BAIAP2L1: variants seen among roughly 807,000 people sequenced by gnomAD.
The protein encoded by BAIAP2L1 is BAR/IMD domain-containing adapter protein 2-like 1.
In BAIAP2L1, 35 loss-of-function variants were observed where a neutral mutation model predicts 66.3. That is an observed-to-expected ratio of 0.53 (90% confidence interval 0.40 to 0.70). The LOEUF (loss-of-function observed/expected upper bound fraction) is 0.70, where lower values mean the gene tolerates loss of function less well. Among genes scored for constraint, BAIAP2L1 ranks in the 30% least tolerant of loss-of-function variants. The probability of loss-of-function intolerance (pLI) is 0.00; values close to 1 mark genes in which losing one functional copy is unlikely to be tolerated. For synonymous variants in BAIAP2L1, 269 were observed against 248.7 expected (o/e 1.08, Z -0.77); for missense variants, 622 against 656.9 (o/e 0.95, Z 0.58).
intron 12 of BAIAP2L1, among the ~76,000 whole-genome samples, chr7:98,299,869 C>T (rs1306579812): frequency 5.3e-5 from 8 of 151,868 alleles, no homozygotes; most frequent in African/African-American, 9.7e-5. Flanking sequence ...GGTGAAACCC[C>T]GTATCTACTA....
chr7:98,366,127 T>C (rs552364622), intron 1 of BAIAP2L1, among the ~76,000 whole-genome samples: 1 of 152,108 alleles, frequency 6.6e-6, no homozygotes, highest in Admixed American at 6.5e-5. Context: ...TTTCCTGTCA[T>C]TGGGTGGGGG....
At chr7:98,344,024 C>CA (rs1302686246) in intron 3 of BAIAP2L1, among the ~76,000 whole-genome samples, 9 of 152,088 alleles carry the variant, frequency 5.9e-5, no homozygotes, top group Non-Finnish European at 1.3e-4. Context: ...ACTAAAAATA[C>CA]AAAAAAATCA....
chr7:98,328,806 G>A, intron 3 of BAIAP2L1, among the ~76,000 whole-genome samples: 1 of 152,008 alleles, frequency 6.6e-6, no homozygotes, highest in Non-Finnish European at 1.5e-5. Flanking sequence ...TGATTGTTCA[G>A]CCTGTAGTCA....
chr7:98,297,133 A>G lies in BAIAP2L1; in HGVS notation c.1423-3022T>C, dbSNP rs189647321. Among the ~76,000 whole-genome samples the G allele has an allele frequency of 4.1e-3, 628 of 152,364 alleles. 10 individuals are homozygous for G. The highest frequency in any genetic ancestry group is 9.0e-4 in the Non-Finnish European group (61 of 68,040). On this transcript the variant is annotated intron_variant, in intron 12 of 13. Coordinates refer to ENST00000005260, the MANE Select transcript of BAIAP2L1 (RefSeq NM_018842.5). ...AGTGGTTGGGCTGCAACTGGAGACT[A>G]TAGAGCGAGGCCACCAAGCGGCTGA...
chr7:98,306,410 C>T (rs763694432), intron 11 of BAIAP2L1, 29 bp downstream of exon 11: 18 of 1,612,860 alleles, frequency 1.1e-5, no homozygotes, highest in African/African-American at 4.0e-5. Flanking sequence ...TTTCTGTCAC[C>T]GGGAGAGCTC....
intron 12 of BAIAP2L1, among the ~76,000 whole-genome samples, chr7:98,303,649 T>A (rs1800517103): frequency 6.6e-6 from 1 of 152,170 alleles, no homozygotes; most frequent in Admixed American, 6.5e-5. Context: ...CGGGAATGGA[T>A]GAACTGGTTC....
At chr7:98,323,414 T>C (rs780066298) in intron 3 of BAIAP2L1, 4 of 152,172 alleles carry the variant, frequency 2.6e-5, no homozygotes, top group African/African-American at 7.2e-5. Context: ...CATAAATAAA[T>C]AAACATCTAA....
At chr7:98,342,856 CTTGA>C (rs1355203706) in intron 3 of BAIAP2L1, among the ~76,000 whole-genome samples, 1 of 151,980 alleles carries the variant, frequency 6.6e-6, no homozygotes, top group African/African-American at 2.4e-5. Flanking sequence ...ATAAACCTTG[CTTGA>C]TTTAGGAACA....
At chr7:98,399,879 C>T (rs1803311612) in intron 1 of BAIAP2L1, 1 of 152,136 alleles carries the variant, frequency 6.6e-6, no homozygotes, top group South Asian at 2.1e-4. Context: ...AAGAACCTCA[C>T]CAAATAACCC....
intron 1 of BAIAP2L1, among the ~76,000 whole-genome samples, chr7:98,384,015 G>A (rs1467331680): frequency 2.0e-5 from 3 of 152,054 alleles, no homozygotes; most frequent in South Asian, 4.1e-4. Context: ...TTAGCTGGGC[G>A]TGGTGGCACG....
Position 98,318,243 on chromosome 7 carries a change from C to G in BAIAP2L1, c.349-887G>C, listed in dbSNP as rs143275842. The stretch of plus-strand genomic sequence containing the variant: ...AGGACATCTTCTCTTTCTTTTATTC[C>G]TTCTTTCCTCAAAGGCTTTTTGATG... On this transcript the variant is annotated intron_variant, in intron 5 of 13. Transcript: ENST00000005260. Among the ~76,000 whole-genome samples, 16 of 152,320 alleles carry G rather than the reference C, an allele frequency of 1.1e-4. No homozygotes were observed. The East Asian group carries it at 2.7e-3, about 26-fold the overall frequency.
chr7:98,397,924 A>G (rs1584513035), intron 1 of BAIAP2L1, among the ~76,000 whole-genome samples: 1 of 152,150 alleles, frequency 6.6e-6, no homozygotes, highest in African/African-American at 2.4e-5. Flanking sequence ...TCCCATAATC[A>G]TTTGCCTACG....
chr7:98,394,152 A>G (rs1803142184), intron 1 of BAIAP2L1, among the ~76,000 whole-genome samples: 1 of 152,076 alleles, frequency 6.6e-6, no homozygotes, highest in South Asian at 2.1e-4. Flanking sequence ...CTGAGACAGG[A>G]GAATGGCATG....
At chr7:98,305,400 C>T (rs78292418) in intron 11 of BAIAP2L1, among the ~76,000 whole-genome samples, 26 of 152,138 alleles carry the variant, frequency 1.7e-4, no homozygotes, top group Non-Finnish European at 3.2e-4. Flanking sequence ...AGCACAATGG[C>T]ATTTTAGCTC....
intron 3 of BAIAP2L1, among the ~76,000 whole-genome samples, chr7:98,347,730 G>A (rs997135554): frequency 2.0e-5 from 3 of 151,814 alleles, no homozygotes; most frequent in Non-Finnish European, 2.9e-5. Flanking sequence ...AGCCAAGATC[G>A]CGCCACTGCA....
At chr7:98,304,626 C>A (rs528841838) in intron 11 of BAIAP2L1, among the ~76,000 whole-genome samples, 1 of 152,292 alleles carries the variant, frequency 6.6e-6, no homozygotes, top group East Asian at 1.9e-4. Context: ...CAGCTCACTG[C>A]AACCTCTGCC....
intron 1 of BAIAP2L1, among the ~76,000 whole-genome samples, chr7:98,366,016 G>T (rs1429253096): frequency 1.3e-5 from 2 of 152,180 alleles, no homozygotes; most frequent in Non-Finnish European, 2.9e-5. Flanking sequence ...GAAGCTGTGG[G>T]TGTGTGCACA....
chr7:98,344,076 C>G (rs184396491), intron 3 of BAIAP2L1, among the ~76,000 whole-genome samples: 439 of 152,226 alleles, frequency 2.9e-3, no homozygotes, highest in South Asian at 6.8e-3. Flanking sequence ...TATAGGGAGG[C>G]TGAGGCAAGA....
rs770765810 is a variant in BAIAP2L1 at position 98,307,701 on chromosome 7, T to C, written c.1151A>G (p.Asp384Gly). 1.2e-6 allele frequency: 2 copies of C among 1,614,062 alleles called. No individual in the cohort carries two copies. The highest frequency in any genetic ancestry group is 2.2e-5 in the South Asian group (2 of 91,078). The change falls in exon 10 of 14, where the codon GAC becomes GGC. Residue 384 changes from aspartate (D) to glycine (G), a missense_variant. Coordinates refer to ENST00000005260, the MANE Select transcript of BAIAP2L1 (RefSeq NM_018842.5). Reference protein sequence around the residue: ...EKDGWLYGEHDVSKARGWFPS... With the variant: ...EKDGWLYGEHGVSKARGWFPS... ...CGCCCAGACTTACGCCTTGGACACG[T>C]CGTGTTCTCCATAGAGCCAGCCATC...
Sources: gnomAD v4.1 joint callset for allele counts (sites outside exome capture counted in the v4.1 genomes callset) on GRCh38, gnomAD v4.1.1 for gene constraint, MANE v1.5 for transcripts, NCBI Gene and HGNC (gene_info 2026-07-23, HGNC 2026-07-21) for gene names.